Variants in ATP8A1 observed in about 807,000 individuals in gnomAD.
The protein encoded by ATP8A1 is phospholipid-transporting ATPase IA.
A neutral mutation model predicts 177.7 loss-of-function variants in ATP8A1; 90 were observed. The ratio of observed to expected loss-of-function variants is 0.51; its 90% CI spans 0.43 to 0.60. The LOEUF is 0.60. Among genes scored for constraint, ATP8A1 ranks in the 20% least tolerant of loss-of-function variants. The pLI is 0.00. For synonymous variants in ATP8A1, 493 were observed against 485.9 expected (o/e 1.01, Z -0.19); for missense variants, 1,072 against 1,392.8 (o/e 0.77, Z 3.67).
chr4:42,616,134 C>T, intron 4 of ATP8A1, 56 bp from the exon 5 acceptor site: 1 of 1,425,288 alleles, frequency 7.0e-7, no homozygotes, highest in Non-Finnish European at 9.7e-7. Flanking sequence ...ATTACTAAAA[C>T]AAGAGAGCAC....
chr4:42,578,895 C>A (rs1354072287), intron 11 of ATP8A1, among the ~76,000 whole-genome samples: 3 of 151,824 alleles, frequency 2.0e-5, no homozygotes, highest in African/African-American at 7.3e-5. Flanking sequence ...AACTGCTATA[C>A]CAGATACAAT....
At chr4:42,466,403 T>C (rs1273607259) in intron 25 of ATP8A1, among the ~76,000 whole-genome samples, 4 of 152,318 alleles carry the variant, frequency 2.6e-5, no homozygotes, top group Admixed American at 6.5e-5. Context: ...GATCATTCCA[T>C]AGGAAAAATT....
chr4:42,496,101 T>C (rs1723243930), intron 24 of ATP8A1, among the ~76,000 whole-genome samples: 1 of 152,138 alleles, frequency 6.6e-6, no homozygotes, highest in African/African-American at 2.4e-5. Flanking sequence ...GGGATTATGA[T>C]AGGTTCCATC....
intron 18 of ATP8A1, among the ~76,000 whole-genome samples, 200 bp from the exon 19 acceptor site, chr4:42,549,262 A>G (rs1729244618): frequency 6.6e-6 from 1 of 152,218 alleles, no homozygotes; most frequent in Non-Finnish European, 1.5e-5. Context: ...AGAAAACCAA[A>G]AGGAAAACCA....
At chr4:42,426,628 A>T (rs1011863918) in intron 33 of ATP8A1, among the ~76,000 whole-genome samples, 6 of 152,210 alleles carry the variant, frequency 3.9e-5, no homozygotes, top group Non-Finnish European at 8.8e-5. Flanking sequence ...ATTATTAACA[A>T]ACTTTCTTCA....
At chr4:42,483,377 G>GAAAAA (rs35565389) in intron 25 of ATP8A1, among the ~76,000 whole-genome samples, 1 of 134,388 alleles carries the variant, frequency 7.4e-6, no homozygotes, top group Non-Finnish European at 1.6e-5. Flanking sequence ...TGTGACTTAA[G>GAAAAA]AAAAAAAAAA....
chr4:42,436,182 G>A lies in ATP8A1; in HGVS notation c.3123+7383C>T, dbSNP rs372424474. 3.5e-4 allele frequency among the ~76,000 whole-genome samples: 54 copies of A among 152,276 alleles called. 1 individual carries two copies. Among genetic ancestry groups the A allele is most frequent in the African/African-American group, 9.9e-4 (41 of 41,562 alleles). On this transcript the variant is annotated intron_variant, in intron 33 of 36. Coordinates refer to ENST00000381668, the MANE Select transcript of ATP8A1 (RefSeq NM_006095.2). Reference sequence around the variant, plus strand: ...TACGTTGCTCATCACTGTAGCATACGGGTACACCATGGCCTCTCTCTCGTT... The same window carrying A: ...TACGTTGCTCATCACTGTAGCATACAGGTACACCATGGCCTCTCTCTCGTT...
intron 20 of ATP8A1, among the ~76,000 whole-genome samples, chr4:42,543,362 G>T (rs1422525265): frequency 1.6e-4 from 25 of 152,118 alleles, no homozygotes; most frequent in Non-Finnish European, 8.8e-5. Context: ...GCCCTGGTCA[G>T]ATTTCTCATT....
chr4:42,441,097 T>G (rs1716591288), intron 33 of ATP8A1, among the ~76,000 whole-genome samples: 1 of 152,174 alleles, frequency 6.6e-6, no homozygotes, highest in African/African-American at 2.4e-5. Context: ...GGGGCTGCTC[T>G]GGGCCGTGTT....
At chr4:42,439,781 C>T (rs1199442668) in intron 33 of ATP8A1, among the ~76,000 whole-genome samples, 1 of 152,152 alleles carries the variant, frequency 6.6e-6, no homozygotes, top group Admixed American at 6.6e-5. Context: ...CCCTGAAATA[C>T]CTGCGAGGAC....
At chr4:42,471,877 A>G in intron 25 of ATP8A1, 1 of 624,228 alleles carries the variant, frequency 1.6e-6, no homozygotes, top group Non-Finnish European at 3.1e-6. Flanking sequence ...AGAGTCCGGC[A>G]TCTTTCAGGC....
intron 20 of ATP8A1, among the ~76,000 whole-genome samples, chr4:42,532,894 G>A (rs1727420297): frequency 6.6e-6 from 1 of 152,168 alleles, no homozygotes; most frequent in Non-Finnish European, 1.5e-5. Flanking sequence ...CCTTAAGAAG[G>A]TACTTTGTAA....
chr4:42,422,774 T>C, intron 35 of ATP8A1, 33 bp downstream of exon 35: 1 of 1,529,608 alleles, frequency 6.5e-7, no homozygotes, highest in Non-Finnish European at 9.0e-7. Context: ...TTAAAGTTCA[T>C]TTGGAAAAGA....
At chr4:42,507,223 T>G in intron 22 of ATP8A1, 69 bp from the exon 23 acceptor site, 2 of 1,472,362 alleles carry the variant, frequency 1.4e-6, no homozygotes, top group Non-Finnish European at 9.3e-7. Context: ...AAAATTGAAG[T>G]GTGTATATGT....
At chr4:42,414,037 T>G (rs939848543) in intron 36 of ATP8A1, among the ~76,000 whole-genome samples, 4 of 152,120 alleles carry the variant, frequency 2.6e-5, no homozygotes, top group African/African-American at 4.8e-5. Context: ...TCTTGAAGTA[T>G]AAAGAGCAAA....
chr4:42,633,759 A>G (rs1738992855), intron 1 of ATP8A1, among the ~76,000 whole-genome samples: 1 of 152,040 alleles, frequency 6.6e-6, no homozygotes, highest in Non-Finnish European at 1.5e-5. Flanking sequence ...AATGTGAGCT[A>G]TTTTCATTGT....
chr4:42,450,310 G>A (rs981901057), intron 30 of ATP8A1, among the ~76,000 whole-genome samples: 2 of 152,210 alleles, frequency 1.3e-5, no homozygotes, highest in African/African-American at 4.8e-5. Context: ...GCCAGGGTCT[G>A]GTAGGGAAGG....
chr4:42,613,593 C>CT lies in ATP8A1; in HGVS notation c.409+2439dup, dbSNP rs575341588. Among the ~76,000 whole-genome samples, 241 of 151,208 alleles carry CT rather than the reference C, an allele frequency of 1.6e-3. 1 individual carries two copies. The highest frequency in any genetic ancestry group is 5.4e-3 in the African/African-American group (221 of 41,236). On this transcript the variant is annotated intron_variant, in intron 5 of 36. Coordinates refer to ENST00000381668, the MANE Select transcript of ATP8A1 (RefSeq NM_006095.2). ...TTTTTTTTATTGTTGCATTGTTTTT[C>CT]TTTTTTTTAAGATAGAGTCTCTCTC...
intron 27 of ATP8A1, among the ~76,000 whole-genome samples, chr4:42,463,984 G>A (rs565860552): frequency 2.8e-4 from 43 of 152,278 alleles, no homozygotes; most frequent in African/African-American, 9.4e-4. Flanking sequence ...CCCAGAATTA[G>A]AGGTGCTAGC....
Sources: allele counts gnomAD v4.1 joint callset (sites outside exome capture counted in the v4.1 genomes callset), GRCh38; gene constraint gnomAD v4.1.1; transcripts MANE v1.5; gene names NCBI Gene and HGNC (gene_info 2026-07-23, HGNC 2026-07-21).